DLG2: variants seen among roughly 807,000 people sequenced by gnomAD.
The protein encoded by DLG2 is discs large MAGUK scaffold protein 2, also known as disks large homolog 2.
A neutral mutation model predicts 132.5 loss-of-function variants in DLG2; 45 were observed. That is an observed-to-expected ratio of 0.34 (90% confidence interval 0.27 to 0.44). The LOEUF (loss-of-function observed/expected upper bound fraction) is 0.44, where lower values mean the gene tolerates loss of function less well. Among genes scored for constraint, DLG2 ranks in the 20% least tolerant of loss-of-function variants. The probability of loss-of-function intolerance (pLI) is 1.00; values close to 1 mark genes in which losing one functional copy is unlikely to be tolerated. For missense variants in DLG2, 1,045 were observed against 1,196.9 expected (o/e 0.87, Z 1.87); for synonymous variants, 424 against 419.6 (o/e 1.01, Z -0.13).
intron 17 of DLG2, among the ~76,000 whole-genome samples, chr11:83,823,366 A>G (rs944691929): frequency 2.0e-5 from 3 of 152,318 alleles, no homozygotes; most frequent in African/African-American, 7.2e-5. Flanking sequence ...GAAGAAGAGA[A>G]TATGTCATAA....
chr11:85,471,672 A>T (rs1294990287), intron 3 of DLG2, among the ~76,000 whole-genome samples: 2 of 152,182 alleles, frequency 1.3e-5, no homozygotes, highest in Non-Finnish European at 2.9e-5. Context: ...AGAGATAAAA[A>T]AGCCCAAAGG....
At chr11:85,456,005 A>G (rs994986476) in intron 3 of DLG2, among the ~76,000 whole-genome samples, 5 of 151,968 alleles carry the variant, frequency 3.3e-5, no homozygotes, top group Non-Finnish European at 5.9e-5. Flanking sequence ...TGGTATCAGG[A>G]TGATACCTGC....
At chr11:83,858,805 G>A (rs1000594768) in intron 16 of DLG2, among the ~76,000 whole-genome samples, 2 of 152,158 alleles carry the variant, frequency 1.3e-5, no homozygotes, top group African/African-American at 4.8e-5. Flanking sequence ...AAGGGTGACA[G>A]GTACTGATGT....
intron 6 of DLG2, among the ~76,000 whole-genome samples, chr11:84,603,381 C>T (rs1299567905): frequency 6.6e-6 from 1 of 151,852 alleles, no homozygotes; most frequent in East Asian, 1.9e-4. Context: ...TGTGACTTTT[C>T]CTCTACTTGA....
intron 17 of DLG2, among the ~76,000 whole-genome samples, chr11:83,804,427 T>C (rs953118589): frequency 6.6e-6 from 1 of 152,108 alleles, no homozygotes; most frequent in Non-Finnish European, 1.5e-5. Context: ...GTTTCCTGTT[T>C]ATTTTGAAAA....
chr11:84,685,834 C>A (rs1316684192), intron 6 of DLG2, among the ~76,000 whole-genome samples: 1 of 152,030 alleles, frequency 6.6e-6, no homozygotes, highest in Non-Finnish European at 1.5e-5. Flanking sequence ...GCCTCCCGAG[C>A]AGCTGGGACC....
chr11:84,533,362 C>T (rs762584697), intron 7 of DLG2, among the ~76,000 whole-genome samples: 1 of 152,188 alleles, frequency 6.6e-6, no homozygotes, highest in Non-Finnish European at 1.5e-5. Flanking sequence ...TAAACATACT[C>T]ATTTCCACCA....
At chr11:85,117,124 G>A (rs956064438) in intron 5 of DLG2, among the ~76,000 whole-genome samples, 2 of 152,012 alleles carry the variant, frequency 1.3e-5, no homozygotes, top group Admixed American at 6.6e-5. Flanking sequence ...GATTCATTCT[G>A]GAGCCATTGT....
intron 3 of DLG2, among the ~76,000 whole-genome samples, chr11:85,575,182 GA>G (rs2078079753): frequency 1.3e-5 from 2 of 150,334 alleles, no homozygotes; most frequent in South Asian, 4.2e-4. Flanking sequence ...TAATGGCCAA[GA>G]AATTCCATAA....
chr11:85,158,428 C>T (rs543409572), intron 4 of DLG2, among the ~76,000 whole-genome samples: 1 of 152,122 alleles, frequency 6.6e-6, no homozygotes, highest in East Asian at 1.9e-4. Flanking sequence ...GGAAGGGATC[C>T]AAAGGCTTAG....
At chr11:83,813,872 C>A (rs1469378442) in intron 17 of DLG2, among the ~76,000 whole-genome samples, 1 of 152,078 alleles carries the variant, frequency 6.6e-6, no homozygotes, top group Non-Finnish European at 1.5e-5. Flanking sequence ...TCAATTTCTC[C>A]TCATAACAGC....
chr11:83,586,185 T>A (rs7129097), intron 19 of DLG2, among the ~76,000 whole-genome samples: 2 of 152,204 alleles, frequency 1.3e-5, no homozygotes, highest in African/African-American at 2.4e-5. Flanking sequence ...GGCATGGGCA[T>A]TGCCCAGGTC....
intron 7 of DLG2, among the ~76,000 whole-genome samples, chr11:84,462,533 C>T (rs867348792): frequency 2.0e-5 from 3 of 150,964 alleles, no homozygotes; most frequent in African/African-American, 2.4e-5. Flanking sequence ...AAGAAATGAA[C>T]CTATGTTAAG....
intron 6 of DLG2, among the ~76,000 whole-genome samples, chr11:84,952,071 C>T (rs2050995681): frequency 6.6e-6 from 1 of 152,158 alleles, no homozygotes; most frequent in South Asian, 2.1e-4. Context: ...TTCTAATAAA[C>T]AATGTAACAA....
chr11:84,437,391 C>T (rs767188677), intron 7 of DLG2: 7 of 152,208 alleles, frequency 4.6e-5, no homozygotes, highest in African/African-American at 7.2e-5. Context: ...TCCATACCTT[C>T]TCTGATTTCG....
chr11:84,923,422 A>C, intron 6 of DLG2: 9 of 274,428 alleles, frequency 3.3e-5, no homozygotes, highest in Non-Finnish European at 4.8e-5. Flanking sequence ...TCACTGGATT[A>C]AAAAAAAAAA....
At position 83,532,887 on chromosome 11, in the gene DLG2, A is replaced by G. The variant is rs181593127; in HGVS notation, c.2118-104T>C. 2.3e-4 allele frequency: 212 copies of G among 908,142 alleles called. 1 individual carries two copies. In the East Asian group the frequency reaches 4.7e-3, roughly 20 times the overall value. 56.3% of individuals were successfully genotyped at this position (908,142 alleles called of 1,614,324 possible). On this transcript the variant is annotated intron_variant, in intron 20 of 27. Transcript: ENST00000376104. ...TTTTCCTCCTATCCTTGAAGCTCAA[A>G]TAAAATGTGTTCTAAAATATTTCTC... is the stretch of plus-strand genomic sequence containing the variant.
chr11:84,854,820 A>T (rs1462994716), intron 6 of DLG2, among the ~76,000 whole-genome samples: 2 of 151,960 alleles, frequency 1.3e-5, no homozygotes, highest in African/African-American at 4.8e-5. Context: ...CCCCATAGTG[A>T]TTCTTTTATT....
chr11:84,859,356 A>G (rs909141976), intron 6 of DLG2, among the ~76,000 whole-genome samples: 2 of 146,362 alleles, frequency 1.4e-5, no homozygotes, highest in African/African-American at 5.0e-5. Flanking sequence ...GATTTTATAA[A>G]CATATATGTA....
Sources: gnomAD v4.1 joint callset for allele counts (sites outside exome capture counted in the v4.1 genomes callset) on GRCh38, gnomAD v4.1.1 for gene constraint, MANE v1.5 for transcripts, NCBI Gene and HGNC (gene_info 2026-07-23, HGNC 2026-07-21) for gene names.